Variants in VPS13C observed in about 807,000 individuals in gnomAD.
VPS13C encodes vacuolar protein sorting 13 homolog C.
In VPS13C, 358 loss-of-function variants were observed where a neutral mutation model predicts 456.8. The observed-to-expected ratio is 0.78, with a 90% CI of 0.72 to 0.86. The LOEUF is 0.86. Ranked by LOEUF, VPS13C falls within the 40% of genes least tolerant of loss-of-function variation. VPS13C has a pLI of 0.00. For missense variants in VPS13C, 4,818 were observed against 4,385.4 expected (o/e 1.10, Z -2.79); for synonymous variants, 1,578 against 1,486.7 (o/e 1.06, Z -1.41).
rs749569432 is a variant in VPS13C at position 61,950,462 on chromosome 15, A to C, written c.4537-45T>G. 4 of 1,393,216 alleles carry C rather than the reference A, an allele frequency of 2.9e-6. No individual in the cohort carries two copies. The South Asian group carries it at 4.7e-5, about 16-fold the overall frequency. The allele number at this position is 1,393,216 out of a possible 1,614,324, so 86.3% of individuals were successfully genotyped here. ...ACACCACTGAGTTTCAAACACTAAA[A>C]ATTCATACACTGAAAATATACATAT... On this transcript the variant is annotated intron_variant, in intron 40 of 84. Transcript: ENST00000644861.
chr15:61,918,109 A>C (rs2043531071), intron 59 of VPS13C, 27 bp downstream of exon 59: 2 of 1,550,738 alleles, frequency 1.3e-6, no homozygotes, highest in Non-Finnish European at 1.7e-6. Context: ...ATACATTTAA[A>C]GTTTAATACA....
In VPS13C at chr15:61,920,164, C is replaced by T. The variant is rs1303210382; in HGVS notation, c.7380G>A (p.Gln2460=). Residue 2460 remains glutamine (Q), a synonymous_variant, in exon 57 of 85, where the codon CAG becomes CAA. Transcript: ENST00000644861. ...TGCTGGCATACTCCAGTTCCAAATT[C>T]TGGCCAGCATCAACATCAAAAATAT... The part of the protein sequence containing the change: ...KSDIFDVDAG[Q]NLELEYASMV... 6.2e-7 allele frequency: 1 copy of T among 1,613,484 alleles called. No homozygotes were observed. Among genetic ancestry groups the T allele is most frequent in the African/African-American group, 1.3e-5 (1 of 74,860 alleles).
Position 61,882,739 on chromosome 15 carries a change from A to AG in VPS13C, c.9484-4dup, listed in dbSNP as rs1460088780. ...ATTGGATCTTTATCAAAATTGACCT[A>AG]GAAAAAAAGCACATGTTTTTGTGAT... On this transcript the variant is annotated splice_polypyrimidine_tract_variant and splice_region_variant and intron_variant, in intron 68 of 84. Coordinates refer to ENST00000644861, the MANE Select transcript of VPS13C (RefSeq NM_020821.3). 3.2e-6 allele frequency: 5 copies of AG among 1,586,340 alleles called. No homozygotes were observed. In the Admixed American group the frequency reaches 5.5e-5, roughly 17 times the overall value.
rs1403300811 is a variant in VPS13C at position 61,973,504 on chromosome 15, C to G, written c.2567G>C (p.Gly856Ala). ...QVSSIPIISG[G>A]TKGLLGTSLL... ...TGAAGTACCAAGTAGACCTTTTGTA[C>G]CACCTGAAATAATAGGAATTGAGGA... Residue 856 changes from glycine to alanine, a missense_variant, in exon 26 of 85, where the codon GGT becomes GCT. Physicochemically the swap from Gly to Ala is moderately conservative, Grantham distance 60. Coordinates refer to ENST00000644861, the MANE Select transcript of VPS13C (RefSeq NM_020821.3). 6.2e-7 allele frequency: 1 copy of G among 1,612,366 alleles called. No homozygotes were observed. Among genetic ancestry groups the G allele is most frequent in the African/African-American group, 1.3e-5 (1 of 74,816 alleles).
chr15:62,057,040 G>A (rs560057520), intron 1 of VPS13C, among the ~76,000 whole-genome samples: 3 of 152,080 alleles, frequency 2.0e-5, no homozygotes, highest in East Asian at 1.9e-4. Context: ...GCGGTCCCCC[G>A]GGCCCAGCTG....
chr15:61,871,435 C>G (rs1050999382), intron 79 of VPS13C, among the ~76,000 whole-genome samples: 4 of 152,106 alleles, frequency 2.6e-5, no homozygotes, highest in Admixed American at 6.6e-5. Flanking sequence ...CTTCTGAACT[C>G]TATTTCTGAA....
chr15:61,916,378 T>C (rs2043473077), intron 60 of VPS13C, among the ~76,000 whole-genome samples: 2 of 152,174 alleles, frequency 1.3e-5, no homozygotes, highest in Non-Finnish European at 2.9e-5. Context: ...TTCAGTTTTA[T>C]CCTCTAATTA....
intron 82 of VPS13C, among the ~76,000 whole-genome samples, chr15:61,859,445 A>T (rs905256605): frequency 4.0e-4 from 61 of 152,204 alleles, no homozygotes; most frequent in African/African-American, 1.4e-3. Flanking sequence ...AAACCCTTAG[A>T]ATCTTATGAG....
At chr15:61,979,977 A>G (rs138803918) in intron 22 of VPS13C, among the ~76,000 whole-genome samples, 1,870 of 152,050 alleles carry the variant, frequency 0.012, 15 homozygotes, top group Middle Eastern at 0.041. Flanking sequence ...TGAGGTCAGG[A>G]GTTCGAGACC....
At chr15:62,039,397 C>T (rs1041907098) in intron 3 of VPS13C, among the ~76,000 whole-genome samples, 1 of 151,714 alleles carries the variant, frequency 6.6e-6, no homozygotes, top group Non-Finnish European at 1.5e-5. Flanking sequence ...TACAAATAGA[C>T]ATAAATATGC....
At chr15:62,004,638 G>T (rs1204546136) in intron 15 of VPS13C, among the ~76,000 whole-genome samples, 1 of 151,694 alleles carries the variant, frequency 6.6e-6, no homozygotes, top group African/African-American at 2.4e-5. Flanking sequence ...GATCTTTCCT[G>T]CTTTCTCTTG....
intron 45 of VPS13C, among the ~76,000 whole-genome samples, chr15:61,942,935 C>A (rs1192659807): frequency 6.6e-6 from 1 of 152,004 alleles, no homozygotes; most frequent in Non-Finnish European, 1.5e-5. Context: ...GATACAAAAT[C>A]AATGTACAAA....
chr15:61,908,526 G>A (rs1487626571), intron 65 of VPS13C, among the ~76,000 whole-genome samples: 7 of 151,862 alleles, frequency 4.6e-5, no homozygotes, highest in Admixed American at 6.6e-5. Context: ...TCTACTCATC[G>A]TCTTCTCATT....
In VPS13C at chr15:61,918,137, T is replaced by C; in HGVS notation, c.7759A>G (p.Arg2587Gly). The change falls in exon 59 of 85, where the codon AGA becomes GGA. Residue 2587 changes from arginine to glycine, a missense_variant and splice_region_variant. Coordinates refer to ENST00000644861, the MANE Select transcript of VPS13C (RefSeq NM_020821.3). The stretch of plus-strand genomic sequence containing the variant: ...TTAATACATTTAAGAAGTATCTACC[T>C]ATATGAATCTAAAGGAACATGGAAC... ...EEFHVPLDSY[R>G]CQLFIQPAGI... 2.5e-6 allele frequency: 4 copies of C among 1,588,032 alleles called. No homozygotes were observed. The highest frequency in any genetic ancestry group is 3.4e-6 in the Non-Finnish European group (4 of 1,172,148).
At chr15:61,956,775 A>G (rs2045013799) in intron 37 of VPS13C, among the ~76,000 whole-genome samples, 1 of 152,172 alleles carries the variant, frequency 6.6e-6, no homozygotes, top group African/African-American at 2.4e-5. Flanking sequence ...AGAATGCTAA[A>G]TTTAAAAAGA....
At chr15:62,042,632 T>C (rs2048277257) in intron 2 of VPS13C, among the ~76,000 whole-genome samples, 1 of 152,024 alleles carries the variant, frequency 6.6e-6, no homozygotes, top group African/African-American at 2.4e-5. Flanking sequence ...AACTGCAAAC[T>C]ACAAAAAGGT....
chr15:61,917,540 C>T lies in VPS13C; in HGVS notation c.7856G>A (p.Arg2619Lys). ...ISWKEELHRSREVRCMLQCPS... is the reference protein window; with the variant it reads ...ISWKEELHRSKEVRCMLQCPS... ...ACACTGCAACATGCATCTGACTTCC[C>T]TGCTCCTATGAAGTTCTTCCTTCCA... The change falls in exon 60 of 85, where the codon AGG becomes AAG. Residue 2619 changes from arginine (R) to lysine (K), a missense_variant. By Grantham distance (26) the Arg-to-Lys change is conservative. Coordinates refer to ENST00000644861, the MANE Select transcript of VPS13C (RefSeq NM_020821.3). 6.2e-7 allele frequency: 1 copy of T among 1,614,028 alleles called. No individual in the cohort carries two copies. The highest frequency in any genetic ancestry group is 2.2e-5 in the East Asian group (1 of 44,872).
intron 66 of VPS13C, among the ~76,000 whole-genome samples, chr15:61,902,002 T>C (rs1221536411): frequency 6.6e-6 from 1 of 151,154 alleles, no homozygotes; most frequent in Non-Finnish European, 1.5e-5. Context: ...CTCAGCAAAC[T>C]ATCACAAGGA....
intron 66 of VPS13C, among the ~76,000 whole-genome samples, chr15:61,894,074 G>A (rs958674941): frequency 2.0e-5 from 3 of 152,136 alleles, no homozygotes; most frequent in African/African-American, 4.8e-5. Flanking sequence ...GGGAGGCCGA[G>A]GTGGGCGGAT....
Sources: allele counts gnomAD v4.1 joint callset (sites outside exome capture counted in the v4.1 genomes callset), GRCh38; gene constraint gnomAD v4.1.1; transcripts MANE v1.5; gene names NCBI Gene and HGNC (gene_info 2026-07-23, HGNC 2026-07-21).